PLA2R1: variants seen among roughly 807,000 people sequenced by gnomAD.
PLA2R1 encodes secretory phospholipase A2 receptor.
In PLA2R1, 158 loss-of-function variants were observed where a neutral mutation model predicts 195.9. The ratio of observed to expected loss-of-function variants is 0.81; its 90% CI spans 0.71 to 0.92. The LOEUF (loss-of-function observed/expected upper bound fraction) is 0.92. PLA2R1 is among the 40% of genes least tolerant of loss of function. The probability of loss-of-function intolerance (pLI) is 0.00; values close to 1 mark genes in which losing one functional copy is unlikely to be tolerated. For synonymous variants in PLA2R1, 586 were observed against 598.2 expected (o/e 0.98, Z 0.30); for missense variants, 1,626 against 1,764.6 (o/e 0.92, Z 1.41).
intron 12 of PLA2R1, among the ~76,000 whole-genome samples, chr2:159,986,332 A>G (rs1690333451): frequency 6.6e-6 from 1 of 152,172 alleles, no homozygotes; most frequent in Non-Finnish European, 1.5e-5. Context: ...TGAAATCTAA[A>G]GCACTTCTGG....
chr2:159,988,923 G>A (rs1479048487), intron 11 of PLA2R1, among the ~76,000 whole-genome samples: 6 of 152,204 alleles, frequency 3.9e-5, no homozygotes, highest in Non-Finnish European at 8.8e-5. Flanking sequence ...ATGAGTGTAT[G>A]AGTGTTTGTG....
chr2:160,039,480 T>C (rs535858293), intron 3 of PLA2R1, among the ~76,000 whole-genome samples: 13 of 152,326 alleles, frequency 8.5e-5, no homozygotes, highest in African/African-American at 2.9e-4. Flanking sequence ...AATCAACTTT[T>C]TTTTTAAATG....
chr2:159,996,303 A>G (rs1335472899), intron 11 of PLA2R1, among the ~76,000 whole-genome samples: 1 of 152,102 alleles, frequency 6.6e-6, no homozygotes, highest in East Asian at 1.9e-4. Flanking sequence ...GGATACTTTC[A>G]CAGAGTATAG....
At chr2:159,981,854 T>A (rs1689977097) in intron 13 of PLA2R1, among the ~76,000 whole-genome samples, 1 of 152,152 alleles carries the variant, frequency 6.6e-6, no homozygotes, top group Non-Finnish European at 1.5e-5. Context: ...TTTGAAAAAT[T>A]TTTTTGTAGA....
At chr2:160,028,402 CAGTT>C (rs777118623) in intron 5 of PLA2R1, 41 bp from the exon 6 acceptor site, 2 of 1,469,998 alleles carry the variant, frequency 1.4e-6, no homozygotes, top group Non-Finnish European at 1.9e-6. Flanking sequence ...GAAGCAAAAG[CAGTT>C]AGTTTAATAT....
At chr2:160,009,943 G>C (rs1329211352) in intron 10 of PLA2R1, among the ~76,000 whole-genome samples, 2 of 151,736 alleles carry the variant, frequency 1.3e-5, no homozygotes, top group Admixed American at 1.3e-4. Flanking sequence ...ACCTGTCTCT[G>C]TAAAAAATTT....
chr2:160,051,709 C>T (rs1040006138), intron 1 of PLA2R1, among the ~76,000 whole-genome samples: 2 of 152,182 alleles, frequency 1.3e-5, no homozygotes, highest in African/African-American at 4.8e-5. Flanking sequence ...TGCAGAAAAT[C>T]TGTATTCTTA....
In PLA2R1 at chr2:160,028,828, G is replaced by A. The variant is rs1220915116; in HGVS notation, c.955+22C>T. The A allele has an allele frequency of 2.1e-6, 3 of 1,428,774 alleles. No individual in the cohort carries two copies. The African/African-American group carries it at 4.1e-5, about 20-fold the overall frequency. 88.5% of individuals were successfully genotyped at this position (1,428,774 alleles called of 1,614,324 possible). On this transcript the variant is annotated intron_variant, in intron 5 of 29. Coordinates refer to ENST00000283243, the MANE Select transcript of PLA2R1 (RefSeq NM_007366.5). The stretch of plus-strand genomic sequence containing the variant: ...TGCAAGATGATGCCACGTGACGAAG[G>A]CAAAGAAAACACTGCGGGTACCTGG...
In PLA2R1 at chr2:159,967,686, A is replaced by C. The variant is rs749475644; in HGVS notation, c.2765-8T>G. On this transcript the variant is annotated splice_polypyrimidine_tract_variant and splice_region_variant and intron_variant, in intron 19 of 29. Transcript: ENST00000283243. ...CTTCACTACCCCAGAGTCCTGGAGG[A>C]GAAAATGGGTTAGAAATGGCTTAGG... The C allele has an allele frequency of 2.5e-6, 4 of 1,611,340 alleles. No individual in the cohort carries two copies. The African/African-American group carries it at 4.0e-5, about 16-fold the overall frequency.
chr2:160,001,364 A>G (rs1267471583), intron 11 of PLA2R1, among the ~76,000 whole-genome samples: 1 of 151,986 alleles, frequency 6.6e-6, no homozygotes, highest in East Asian at 1.9e-4. Context: ...GAAGAAAAAG[A>G]TACATTCAAA....
intron 23 of PLA2R1, among the ~76,000 whole-genome samples, chr2:159,952,182 TGTCAGA>T (rs1317322093): frequency 2.6e-5 from 4 of 152,200 alleles, no homozygotes; most frequent in Non-Finnish European, 4.4e-5. Context: ...ATATGTCACC[TGTCAGA>T]GTCAAAGTTT....
chr2:159,990,605 C>T (rs1690705240), intron 11 of PLA2R1, among the ~76,000 whole-genome samples: 2 of 152,162 alleles, frequency 1.3e-5, no homozygotes, highest in Admixed American at 6.5e-5. Context: ...CTCACCTTCC[C>T]TCTCTCTCTC....
intron 13 of PLA2R1, among the ~76,000 whole-genome samples, chr2:159,980,680 T>G (rs1689884640): frequency 6.6e-6 from 1 of 152,116 alleles, no homozygotes; most frequent in Non-Finnish European, 1.5e-5. Context: ...TGAGGCAGAG[T>G]ACAAATGTGT....
chr2:160,062,553 C>T lies in PLA2R1; in HGVS notation c.-150G>A. The T allele has an allele frequency of 7.4e-7, 1 of 1,353,626 alleles. No homozygotes were observed. Among genetic ancestry groups the T allele is most frequent in the Non-Finnish European group, 9.5e-7 (1 of 1,049,596 alleles). 83.9% of individuals were successfully genotyped at this position (1,353,626 alleles called of 1,614,324 possible). A position where few individuals can be genotyped will look rare whatever the true frequency, so the allele number is the denominator to read the frequency against. Reference sequence around the variant, plus strand: ...CACCCCCTCCGGGGGCCTTGCCAGCCCAGAGCCCTGGAGACCCACTCCGCC... The same window carrying T: ...CACCCCCTCCGGGGGCCTTGCCAGCTCAGAGCCCTGGAGACCCACTCCGCC... On this transcript the variant is annotated 5_prime_UTR_variant, in exon 1 of 30. Coordinates refer to ENST00000283243, the MANE Select transcript of PLA2R1 (RefSeq NM_007366.5).
At chr2:159,979,736 C>T (rs1031454047) in intron 14 of PLA2R1, 94 bp downstream of exon 14, 17 of 651,820 alleles carry the variant, frequency 2.6e-5, no homozygotes, top group Non-Finnish European at 4.1e-5. Flanking sequence ...GGAGCTCTGG[C>T]CATCATTTCT....
At chr2:159,978,322 A>C (rs1327883956) in intron 14 of PLA2R1, among the ~76,000 whole-genome samples, 1 of 152,160 alleles carries the variant, frequency 6.6e-6, no homozygotes, top group Non-Finnish European at 1.5e-5. Context: ...CCACAAGTAA[A>C]ATTGGGGTAA....
intron 20 of PLA2R1, among the ~76,000 whole-genome samples, chr2:159,964,414 C>T (rs894613171): frequency 1.3e-5 from 2 of 152,134 alleles, no homozygotes; most frequent in Non-Finnish European, 2.9e-5. Context: ...CATAAAGATG[C>T]TTTAAAAAAC....
intron 3 of PLA2R1, among the ~76,000 whole-genome samples, chr2:160,034,031 C>G (rs995455450): frequency 1.3e-5 from 2 of 152,176 alleles, no homozygotes; most frequent in African/African-American, 2.4e-5. Context: ...CCAAGAAAAT[C>G]TGGACACAAT....
At chr2:160,006,239 A>C (rs1480758314) in intron 10 of PLA2R1, among the ~76,000 whole-genome samples, 2 of 152,206 alleles carry the variant, frequency 1.3e-5, no homozygotes, top group Non-Finnish European at 2.9e-5. Flanking sequence ...GAAAGATATT[A>C]TGCTTTTCTG....
Sources: gnomAD v4.1 joint callset for allele counts (sites outside exome capture counted in the v4.1 genomes callset) on GRCh38, gnomAD v4.1.1 for gene constraint, MANE v1.5 for transcripts, NCBI Gene and HGNC (gene_info 2026-07-23, HGNC 2026-07-21) for gene names.